The following RGL1 variants were observed in gnomAD, a reference collection of about 807,000 sequenced individuals.
RGL1 encodes ral guanine nucleotide dissociation stimulator-like 1.
In RGL1, 24 loss-of-function variants were observed where a neutral mutation model predicts 95.2. The ratio of observed to expected loss-of-function variants is 0.25; its 90% CI spans 0.18 to 0.35. The LOEUF (loss-of-function observed/expected upper bound fraction) is 0.35, where lower values mean the gene tolerates loss of function less well. Among genes scored for constraint, RGL1 ranks in the 10% least tolerant of loss-of-function variants. The pLI, the probability that RGL1 is intolerant of heterozygous loss-of-function variation, is 1.00. For missense variants in RGL1, 715 were observed against 936.3 expected (o/e 0.76, Z 3.08); for synonymous variants, 329 against 344.9 (o/e 0.95, Z 0.51).
intron 1 of RGL1, chr1:183,742,026 G>C: frequency 1.2e-6 from 1 of 841,142 alleles, no homozygotes; most frequent in South Asian, 1.9e-5. Flanking sequence ...TGTCTTTAAT[G>C]GTCTCACTAG....
chr1:183,744,471 A>C (rs1165458946), intron 2 of RGL1, among the ~76,000 whole-genome samples: 1 of 152,180 alleles, frequency 6.6e-6, no homozygotes, highest in Non-Finnish European at 1.5e-5. Context: ...GTACTTGCAC[A>C]AAATTGAGAG....
upstream of RGL1, among the ~76,000 whole-genome samples, chr1:183,804,704 C>T (rs1321288201): frequency 6.6e-6 from 1 of 152,234 alleles, no homozygotes; most frequent in Non-Finnish European, 1.5e-5. Context: ...CGGGTGTCCT[C>T]TGACCTTATC....
chr1:183,769,618 C>A (rs1659174072), intron 2 of RGL1, among the ~76,000 whole-genome samples: 2 of 152,200 alleles, frequency 1.3e-5, no homozygotes, highest in Admixed American at 6.5e-5. Context: ...ACATAAAGCT[C>A]CAATAGCTTT....
intron 4 of RGL1, 124 bp from the exon 5 acceptor site, chr1:183,880,492 A>G: frequency 4.5e-6 from 3 of 674,062 alleles, no homozygotes; most frequent in South Asian, 4.0e-5. Context: ...CTTTTGGATG[A>G]ATGATCTGTT....
intron 1 of RGL1, among the ~76,000 whole-genome samples, chr1:183,699,059 A>G (rs756778963): frequency 9.9e-5 from 15 of 152,260 alleles, no homozygotes; most frequent in African/African-American, 1.9e-4. Flanking sequence ...TATTCATCAC[A>G]TATGTTGGAT....
At chr1:183,905,957 T>C (rs1232955554) in intron 13 of RGL1, among the ~76,000 whole-genome samples, 3 of 152,078 alleles carry the variant, frequency 2.0e-5, no homozygotes, top group African/African-American at 7.2e-5. Flanking sequence ...AAAGACAGAG[T>C]TGAGTAGTTG....
intron 1 of RGL1, among the ~76,000 whole-genome samples, chr1:183,713,385 C>CG (rs1170155719): frequency 7.3e-6 from 1 of 137,864 alleles, no homozygotes; most frequent in Non-Finnish European, 1.5e-5. Flanking sequence ...CACCCCCCCC[C>CG]CCCGCTTTTA....
chr1:183,920,967 G>A (rs1027998556), intron 16 of RGL1, among the ~76,000 whole-genome samples: 3 of 152,328 alleles, frequency 2.0e-5, no homozygotes, highest in East Asian at 3.9e-4. Flanking sequence ...TGTATGTGTC[G>A]AGGGGGGTCG....
intron 1 of RGL1, among the ~76,000 whole-genome samples, chr1:183,676,257 A>C (rs1652820910): frequency 6.6e-6 from 1 of 152,164 alleles, no homozygotes; most frequent in African/African-American, 2.4e-5. Context: ...GTTTTCATGA[A>C]ACCTTTGTCT....
At chr1:183,872,182 G>T (rs1666219867) in intron 4 of RGL1, among the ~76,000 whole-genome samples, 1 of 152,108 alleles carries the variant, frequency 6.6e-6, no homozygotes, top group African/African-American at 2.4e-5. Context: ...AAAGTGAATT[G>T]TCTCTAGGGC....
chr1:183,698,421 TTC>T (rs1558159122), intron 1 of RGL1, among the ~76,000 whole-genome samples: 1 of 152,262 alleles, frequency 6.6e-6, no homozygotes, highest in Non-Finnish European at 1.5e-5. Context: ...AGGAAATGAT[TTC>T]TGTTTTCCTA....
chr1:183,676,351 T>C (rs1652828298), intron 1 of RGL1, among the ~76,000 whole-genome samples: 1 of 152,062 alleles, frequency 6.6e-6, no homozygotes, highest in African/African-American at 2.4e-5. Context: ...AGCTGCTGAA[T>C]AGAACATGTC....
intron 4 of RGL1, among the ~76,000 whole-genome samples, chr1:183,875,377 A>G (rs902841852): frequency 1.3e-5 from 2 of 152,206 alleles, no homozygotes; most frequent in African/African-American, 4.8e-5. Flanking sequence ...TAATACGTTT[A>G]CCTAAAATCT....
intron 1 of RGL1, among the ~76,000 whole-genome samples, chr1:183,702,661 T>C (rs1020924940): frequency 5.9e-5 from 9 of 152,134 alleles, no homozygotes; most frequent in African/African-American, 1.4e-4. Context: ...AGCTAGTAGA[T>C]GGATTGGTGT....
intron 2 of RGL1, among the ~76,000 whole-genome samples, chr1:183,781,289 T>C (rs1659889662): frequency 6.6e-6 from 1 of 152,224 alleles, no homozygotes; most frequent in East Asian, 1.9e-4. Context: ...ATTTCTTCTA[T>C]GTAGACTGGA....
At position 183,889,548 on chromosome 1, in the gene RGL1, A is replaced by T. The variant is rs561789995; in HGVS notation, c.1055+971A>T. Among the ~76,000 whole-genome samples the T allele has an allele frequency of 1.4e-4, 21 of 152,208 alleles. No individual in the cohort carries two copies. The South Asian group carries it at 4.4e-3, about 32-fold the overall frequency. On this transcript the variant is annotated intron_variant, in intron 8 of 17. Transcript: ENST00000360851. ...CTCAGAGTTGATCAAGCCCTAAGAGACTGGCATTGTTTGAATTTGCAAGAG... is the reference window on the plus strand; with the variant it reads ...CTCAGAGTTGATCAAGCCCTAAGAGTCTGGCATTGTTTGAATTTGCAAGAG...
At chr1:183,900,444 A>G (rs1667949080) in intron 11 of RGL1, among the ~76,000 whole-genome samples, 1 of 152,264 alleles carries the variant, frequency 6.6e-6, no homozygotes, top group South Asian at 2.1e-4. Context: ...CAAAATAAGC[A>G]GTGAACGATA....
chr1:183,741,774 A>G (rs1401672044), intron 1 of RGL1, among the ~76,000 whole-genome samples: 1 of 152,180 alleles, frequency 6.6e-6, no homozygotes, highest in African/African-American at 2.4e-5. Flanking sequence ...TGGCATGAAA[A>G]TATGAAAACA....
At chr1:183,918,562 G>A (rs778738936) in intron 16 of RGL1, among the ~76,000 whole-genome samples, 3 of 152,192 alleles carry the variant, frequency 2.0e-5, no homozygotes, top group Non-Finnish European at 2.9e-5. Flanking sequence ...GCTCAGTCTG[G>A]GGGGAACTGT....
Sources: gnomAD v4.1 joint callset for allele counts (sites outside exome capture counted in the v4.1 genomes callset) on GRCh38, gnomAD v4.1.1 for gene constraint, MANE v1.5 for transcripts, NCBI Gene and HGNC (gene_info 2026-07-23, HGNC 2026-07-21) for gene names.